C1QTNF1: variants seen among roughly 807,000 people sequenced by gnomAD.
The protein encoded by C1QTNF1 is C1q and TNF related 1.
Under a neutral mutation model 27.8 loss-of-function variants are expected in C1QTNF1, and 22 were observed. That is an observed-to-expected ratio of 0.79 (90% CI 0.56 to 1.13). The LOEUF is 1.13. C1QTNF1 is among the 50% of genes most tolerant of loss of function. The pLI is 0.00. For missense variants in C1QTNF1, 373 were observed against 380.2 expected (o/e 0.98, Z 0.16); for synonymous variants, 166 against 154.3 (o/e 1.08, Z -0.56).
intron 1 of C1QTNF1, among the ~76,000 whole-genome samples, chr17:79,026,242 A>G (rs150619161): frequency 0.025 from 3,707 of 150,710 alleles, 136 homozygotes; most frequent in African/African-American, 0.085. Context: ...TGCAACCTCC[A>G]CCTCCCAGGT....
intron 1 of C1QTNF1, among the ~76,000 whole-genome samples, chr17:79,040,996 G>GATTA (rs151047633): frequency 0.023 from 3,482 of 152,290 alleles, 112 homozygotes; most frequent in East Asian, 0.14. Context: ...CTCCCTAGAG[G>GATTA]ATTGTGGGGC....
At chr17:79,039,848 TG>T in intron 1 of C1QTNF1, among the ~76,000 whole-genome samples, 1 of 151,794 alleles carries the variant, frequency 6.6e-6, no homozygotes, top group Non-Finnish European at 1.5e-5. Flanking sequence ...TGTAAACATG[TG>T]TATGTGTATA....
At position 79,048,001 on chromosome 17, in the gene C1QTNF1, C is replaced by T. The variant is rs750087746; in HGVS notation, c.759C>T (p.Gly253=). Residue 253 remains glycine, a synonymous_variant, in exon 4 of 4, where the codon GGC becomes GGT. Coordinates refer to ENST00000579760, the MANE Select transcript of C1QTNF1 (RefSeq NM_030968.5). The part of the protein sequence containing the change: ...QDQVWVRLYK[G]ERENAIFSEE... ...AGGTGTGGGTACGCCTCTACAAGGG[C>T]GAACGTGAGAACGCCATCTTCAGCG... 15 of 1,611,178 alleles carry T rather than the reference C, an allele frequency of 9.3e-6. 1 individual carries two copies. The highest frequency in any genetic ancestry group is 4.4e-5 in the South Asian group (4 of 90,986).
At chr17:79,034,773 C>T (rs2072226123) in intron 1 of C1QTNF1, among the ~76,000 whole-genome samples, 1 of 152,162 alleles carries the variant, frequency 6.6e-6, no homozygotes, top group South Asian at 2.1e-4. Flanking sequence ...AAAACAAACC[C>T]TCCTTCTGCA....
intron 2 of C1QTNF1, among the ~76,000 whole-genome samples, chr17:79,045,205 C>G (rs1193782173): frequency 6.6e-6 from 1 of 152,088 alleles, no homozygotes; most frequent in Non-Finnish European, 1.5e-5. Context: ...GGAAAGCTAC[C>G]TGGTAGCCAG....
chr17:79,039,525 C>T (rs8067809), intron 1 of C1QTNF1, among the ~76,000 whole-genome samples: 33,643 of 152,068 alleles, frequency 0.22, 4,218 homozygotes, highest in East Asian at 0.53. Flanking sequence ...TGGAGGCACA[C>T]GCATATAATC....
chr17:79,043,602 ATG>A (rs1021128106), intron 1 of C1QTNF1: 113 of 452,798 alleles, frequency 2.5e-4, no homozygotes, highest in Non-Finnish European at 4.6e-4. Flanking sequence ...TGTGGATTGC[ATG>A]TGTGTTGGGT....
chr17:79,038,325 C>T (rs1004229486), intron 1 of C1QTNF1, among the ~76,000 whole-genome samples: 6 of 152,194 alleles, frequency 3.9e-5, no homozygotes, highest in Non-Finnish European at 8.8e-5. Context: ...TGTCCTCAGG[C>T]TTCCTGTCCT....
intron 1 of C1QTNF1, among the ~76,000 whole-genome samples, chr17:79,036,973 G>A (rs982137294): frequency 6.6e-6 from 1 of 152,196 alleles, no homozygotes; most frequent in Non-Finnish European, 1.5e-5. Flanking sequence ...AAAAGGCCCT[G>A]CGCTGGGTGG....
At chr17:79,032,100 G>T (rs530465143) in intron 1 of C1QTNF1, among the ~76,000 whole-genome samples, 46 of 152,268 alleles carry the variant, frequency 3.0e-4, no homozygotes, top group African/African-American at 1.1e-3. Context: ...ATGAGATGGG[G>T]CTCCCATTTC....
intron 1 of C1QTNF1, among the ~76,000 whole-genome samples, chr17:79,035,534 G>T (rs145431021): frequency 1.3e-5 from 2 of 151,852 alleles, no homozygotes; most frequent in Non-Finnish European, 2.9e-5. Context: ...GGGTTCAAGC[G>T]ATTCTCCTGT....
chr17:79,044,854 T>G (rs2072525719), intron 2 of C1QTNF1, among the ~76,000 whole-genome samples: 1 of 152,176 alleles, frequency 6.6e-6, no homozygotes, highest in East Asian at 1.9e-4. Context: ...CAGACTAACT[T>G]CAGTGTACGA....
chr17:79,045,835 C>A (rs1339683619), intron 2 of C1QTNF1, among the ~76,000 whole-genome samples: 1 of 152,154 alleles, frequency 6.6e-6, no homozygotes, highest in Non-Finnish European at 1.5e-5. Context: ...AGATGTCCAT[C>A]TGGGAGTCCT....
At chr17:79,023,704 G>GCGCGCGCACACACACACACACACA (rs1267428917), upstream of C1QTNF1, among the ~76,000 whole-genome samples, 13 of 145,030 alleles carry the variant, frequency 9.0e-5, no homozygotes, top group East Asian at 6.5e-4. Context: ...GCGCGCGCGC[G>GCGCGCGCACACACACACACACACA]CACACACACA....
intron 1 of C1QTNF1, among the ~76,000 whole-genome samples, chr17:79,040,730 CAAAAA>C (rs60302649): frequency 5.3e-5 from 3 of 56,938 alleles, no homozygotes; most frequent in Non-Finnish European, 7.8e-5. Context: ...TTTGTCTCTA[CAAAAA>C]AAAAAAAAAA....
chr17:79,023,704 G>GCGCGCGCGCGCACA (rs1267428917), upstream of C1QTNF1, among the ~76,000 whole-genome samples: 21 of 145,030 alleles, frequency 1.4e-4, no homozygotes, highest in East Asian at 1.1e-3. Flanking sequence ...GCGCGCGCGC[G>GCGCGCGCGCGCACA]CACACACACA....
Position 79,037,265 on chromosome 17 carries a change from G to A in C1QTNF1, c.-14-6690G>A, listed in dbSNP as rs959870905. On this transcript the variant is annotated intron_variant, in intron 1 of 3. Transcript: ENST00000579760. ...CTGCCTCAGCCTCCCAAGTAGCTGG[G>A]ATTACAGGCACGTGCCACCACGCCC... Among the ~76,000 whole-genome samples, 7 of 152,130 alleles carry A rather than the reference G, an allele frequency of 4.6e-5. No homozygotes were observed. The South Asian group carries it at 6.2e-4, about 14-fold the overall frequency.
At chr17:79,047,455 C>T in intron 3 of C1QTNF1, 83 bp from the exon 4 acceptor site, 3 of 1,363,172 alleles carry the variant, frequency 2.2e-6, no homozygotes, top group Non-Finnish European at 3.0e-6. Flanking sequence ...AGGACAGCGC[C>T]AGGGACCGGA....
intron 1 of C1QTNF1, 101 bp from the exon 2 acceptor site, chr17:79,043,854 C>T (rs1301596346): frequency 3.0e-6 from 4 of 1,324,348 alleles, no homozygotes; most frequent in Non-Finnish European, 4.3e-6. Context: ...TGGGGAAGCA[C>T]CTCCGATTTC....
Sources: allele counts gnomAD v4.1 joint callset (sites outside exome capture counted in the v4.1 genomes callset), GRCh38; gene constraint gnomAD v4.1.1; transcripts MANE v1.5; gene names NCBI Gene and HGNC (gene_info 2026-07-23, HGNC 2026-07-21).